Variants in ZNF704 observed in about 807,000 individuals in gnomAD.
The protein encoded by ZNF704 is glucocorticoid induced gene 1.
A neutral mutation model predicts 44.7 loss-of-function variants in ZNF704; 10 were observed. The observed-to-expected ratio is 0.22, with a 90% CI of 0.14 to 0.38. The LOEUF is 0.38. ZNF704 is among the 10% of genes least tolerant of loss of function. The pLI, the probability that ZNF704 is intolerant of heterozygous loss-of-function variation, is 1.00. For missense variants in ZNF704, 390 were observed against 545.5 expected (o/e 0.71, Z 2.84); for synonymous variants, 211 against 207.6 (o/e 1.02, Z -0.14).
intron 3 of ZNF704, among the ~76,000 whole-genome samples, chr8:80,692,518 C>T (rs181110894): frequency 6.6e-6 from 1 of 152,222 alleles, no homozygotes; most frequent in Admixed American, 6.5e-5. Flanking sequence ...GTATTCAATT[C>T]ATCTAGCATG....
intron 2 of ZNF704, among the ~76,000 whole-genome samples, chr8:80,741,429 G>A (rs543822228): frequency 6.6e-6 from 1 of 152,342 alleles, no homozygotes; most frequent in African/African-American, 2.4e-5. Context: ...GAAAATTGAT[G>A]TAGTGGCAAA....
intron 7 of ZNF704, among the ~76,000 whole-genome samples, chr8:80,657,418 C>T (rs898440727): frequency 9.9e-5 from 15 of 152,088 alleles, no homozygotes; most frequent in African/African-American, 3.1e-4. Context: ...CTCAGCTGGG[C>T]GCAGTGGCTC....
At chr8:80,852,248 A>G (rs943490387) in intron 1 of ZNF704, among the ~76,000 whole-genome samples, 1 of 152,248 alleles carries the variant, frequency 6.6e-6, no homozygotes, top group Non-Finnish European at 1.5e-5. Flanking sequence ...AAGAACCCTA[A>G]GATAACTATT....
intron 7 of ZNF704, among the ~76,000 whole-genome samples, chr8:80,646,598 C>G (rs1817838959): frequency 6.6e-6 from 1 of 152,116 alleles, no homozygotes; most frequent in African/African-American, 2.4e-5. Context: ...CAAGGGCCAG[C>G]AGAGGTAACA....
intron 1 of ZNF704, among the ~76,000 whole-genome samples, chr8:80,850,370 T>C (rs1050318072): frequency 6.6e-6 from 1 of 152,186 alleles, no homozygotes; most frequent in Non-Finnish European, 1.5e-5. Flanking sequence ...TCATAATACA[T>C]GCATGAGATA....
intron 7 of ZNF704, among the ~76,000 whole-genome samples, chr8:80,645,661 C>A (rs920956411): frequency 3.3e-5 from 5 of 152,174 alleles, no homozygotes; most frequent in East Asian, 1.9e-4. Flanking sequence ...TCCTGCTTCA[C>A]CTTCCACCAT....
At chr8:80,679,478 C>T (rs59462539) in intron 4 of ZNF704, among the ~76,000 whole-genome samples, 15,599 of 151,858 alleles carry the variant, frequency 0.1, 2,713 homozygotes, top group African/African-American at 0.36. Flanking sequence ...GGCAGAGTTG[C>T]GGCAGCCAAA....
At chr8:80,875,591 A>G (rs1243699048), upstream of ZNF704, among the ~76,000 whole-genome samples, 1 of 152,184 alleles carries the variant, frequency 6.6e-6, no homozygotes, top group Non-Finnish European at 1.5e-5. Context: ...GGTGTGAGCC[A>G]CCGTGCCCGG....
At chr8:80,773,309 C>T (rs771381281) in intron 2 of ZNF704, among the ~76,000 whole-genome samples, 50 of 152,078 alleles carry the variant, frequency 3.3e-4, no homozygotes, top group African/African-American at 1.1e-3. Context: ...TTAGTGGTCG[C>T]TTTAGATATT....
At chr8:80,764,902 T>C (rs1031561396) in intron 2 of ZNF704, among the ~76,000 whole-genome samples, 9 of 152,202 alleles carry the variant, frequency 5.9e-5, no homozygotes, top group Admixed American at 5.9e-4. Flanking sequence ...ACCAAATCTG[T>C]ATCAGTCAGG....
chr8:80,850,043 T>C (rs1333621120), intron 1 of ZNF704, among the ~76,000 whole-genome samples: 2 of 152,198 alleles, frequency 1.3e-5, no homozygotes, highest in African/African-American at 2.4e-5. Flanking sequence ...TGGTAACTTT[T>C]TAGGATTTCA....
At chr8:80,656,648 T>C (rs78588483) in intron 7 of ZNF704, among the ~76,000 whole-genome samples, 8,454 of 152,244 alleles carry the variant, frequency 0.056, 261 homozygotes, top group Middle Eastern at 0.092. Flanking sequence ...TAAAGTCCAA[T>C]GTTCAGGAAA....
chr8:80,789,180 G>C (rs1192143553), intron 2 of ZNF704, among the ~76,000 whole-genome samples: 5 of 152,056 alleles, frequency 3.3e-5, no homozygotes, highest in African/African-American at 9.7e-5. Context: ...TTCTACAAAA[G>C]AGAAAAACAG....
chr8:80,828,331 G>A (rs1213512629), intron 1 of ZNF704, among the ~76,000 whole-genome samples: 1 of 152,164 alleles, frequency 6.6e-6, no homozygotes, highest in African/African-American at 2.4e-5. Flanking sequence ...TGTTACTTCA[G>A]ACTTTGTGAA....
At chr8:80,772,515 G>C (rs1807338199) in intron 2 of ZNF704, among the ~76,000 whole-genome samples, 1 of 152,136 alleles carries the variant, frequency 6.6e-6, no homozygotes, top group Non-Finnish European at 1.5e-5. Context: ...GAAGAAGAGA[G>C]TGAGAGAGGA....
chr8:80,718,099 A>G (rs1819100020), intron 2 of ZNF704, among the ~76,000 whole-genome samples: 1 of 152,078 alleles, frequency 6.6e-6, no homozygotes, highest in African/African-American at 2.4e-5. Context: ...CTAGGGTTTT[A>G]GCTACTCCAT....
At chr8:80,743,435 T>C (rs139434549) in intron 2 of ZNF704, among the ~76,000 whole-genome samples, 1 of 152,156 alleles carries the variant, frequency 6.6e-6, no homozygotes, top group Non-Finnish European at 1.5e-5. Context: ...TATAAACTAA[T>C]AGTGGGTAAA....
intron 1 of ZNF704, among the ~76,000 whole-genome samples, chr8:80,833,244 T>A (rs937822903): frequency 1.3e-5 from 2 of 151,954 alleles, no homozygotes; most frequent in African/African-American, 4.8e-5. Flanking sequence ...CAGCTACTCA[T>A]GAGGCTGAGG....
At chr8:80,697,121 C>T (rs935892230) in intron 2 of ZNF704, among the ~76,000 whole-genome samples, 3 of 152,164 alleles carry the variant, frequency 2.0e-5, no homozygotes, top group South Asian at 4.2e-4. Context: ...GAAGGGAAGC[C>T]GGTGAGCCCT....
Sources: gnomAD v4.1 joint callset for allele counts (sites outside exome capture counted in the v4.1 genomes callset) on GRCh38, gnomAD v4.1.1 for gene constraint, MANE v1.5 for transcripts, NCBI Gene and HGNC (gene_info 2026-07-23, HGNC 2026-07-21) for gene names.